Variants in KTN1 observed in about 807,000 individuals in gnomAD.
The protein encoded by KTN1 is kinectin.
In KTN1, 130 loss-of-function variants were observed where a neutral mutation model predicts 222.5. The ratio of observed to expected loss-of-function variants is 0.58; its 90% CI spans 0.51 to 0.68. The LOEUF (loss-of-function observed/expected upper bound fraction) is 0.68, where lower values mean the gene tolerates loss of function less well. Among genes scored for constraint, KTN1 ranks in the 30% least tolerant of loss-of-function variants. The probability of loss-of-function intolerance (pLI) is 0.00; values close to 1 mark genes in which losing one functional copy is unlikely to be tolerated. For missense variants in KTN1, 1,508 were observed against 1,500.4 expected (o/e 1.01, Z -0.08); for synonymous variants, 512 against 496.3 (o/e 1.03, Z -0.42).
chr14:55,606,570 G>C (rs2036755197), intron 1 of KTN1, among the ~76,000 whole-genome samples: 1 of 152,010 alleles, frequency 6.6e-6, no homozygotes, highest in South Asian at 2.1e-4. Flanking sequence ...AAGGATAGCA[G>C]AAGCAAGAGC....
chr14:55,680,548 A>G (rs2046272676), intron 43 of KTN1: 2 of 520,268 alleles, frequency 3.8e-6, no homozygotes, highest in African/African-American at 3.9e-5. Flanking sequence ...GGGGCAACTC[A>G]TCACTGAATT....
Position 55,634,655 on chromosome 14 carries a change from GA to G in KTN1, c.1460del (p.Lys487ArgfsTer64). 1 of 1,610,334 alleles carries G rather than the reference GA, an allele frequency of 6.2e-7. No homozygotes were observed. Among genetic ancestry groups the G allele is most frequent in the Non-Finnish European group, 8.5e-7 (1 of 1,178,466 alleles). On this transcript the variant is annotated frameshift_variant and splice_region_variant, in exon 9 of 44. Coordinates refer to ENST00000395314, the MANE Select transcript of KTN1 (RefSeq NM_001079521.2). LOFTEE classifies it high-confidence loss of function. ...KNAEQAATQLKVQLQEAERRW... is the reference protein window; with the variant it reads ...KNAEQAATQLXVQLQEAERRW... ...ATGCTGAGCAAGCAGCTACTCAGTT[GA>G]AGGTGATATATTCTCACCTTTATTT... is the stretch of plus-strand genomic sequence containing the variant.
At chr14:55,606,340 T>C (rs1265154313) in intron 1 of KTN1, among the ~76,000 whole-genome samples, 1 of 152,150 alleles carries the variant, frequency 6.6e-6, no homozygotes, top group Non-Finnish European at 1.5e-5. Flanking sequence ...ACTTACTGTT[T>C]TTGTTTTTTT....
chr14:55,675,689 T>G (rs2045832156), intron 40 of KTN1, 146 bp from the exon 41 acceptor site: 2 of 531,904 alleles, frequency 3.8e-6, no homozygotes, highest in Non-Finnish European at 6.7e-6. Context: ...TGCTTAGCCT[T>G]TCTATACATC....
intron 5 of KTN1, among the ~76,000 whole-genome samples, chr14:55,626,709 T>A (rs572063913): frequency 1.3e-5 from 2 of 152,306 alleles, no homozygotes; most frequent in South Asian, 4.1e-4. Flanking sequence ...GGTGTTCTCC[T>A]TGGGGACTGT....
intron 9 of KTN1, among the ~76,000 whole-genome samples, chr14:55,635,307 A>T (rs530779593): frequency 6.2e-4 from 94 of 152,180 alleles, no homozygotes; most frequent in Non-Finnish European, 1.2e-3. Context: ...TATCATATAT[A>T]TGGGGGTTAG....
Position 55,648,065 on chromosome 14 carries a change from T to A in KTN1, c.2248T>A (p.Leu750Ile), listed in dbSNP as rs1177222200. 1.3e-6 allele frequency: 2 copies of A among 1,565,406 alleles called. No homozygotes were observed. Among genetic ancestry groups the A allele is most frequent in the East Asian group, 4.7e-5 (2 of 42,556 alleles). The change falls in exon 20 of 44, where the codon TTA becomes ATA. Residue 750 changes from leucine to isoleucine, a missense_variant. Physicochemically the swap from Leu to Ile is conservative, Grantham distance 5 (BLOSUM62 2). Coordinates refer to ENST00000395314, the MANE Select transcript of KTN1 (RefSeq NM_001079521.2). ...TGAGAAGTTAAAGACTGTGGAAGAA[T>A]TACTTGAAACTGGACTTATTCAGGT... ...KDEKLKTVEE[L>I]LETGLIQVAT...
intron 2 of KTN1, among the ~76,000 whole-genome samples, chr14:55,612,802 T>G (rs1029945061): frequency 6.6e-6 from 1 of 152,028 alleles, no homozygotes; most frequent in South Asian, 2.1e-4. Flanking sequence ...CCTGTAATCC[T>G]AGCACATTGG....
intron 1 of KTN1, among the ~76,000 whole-genome samples, chr14:55,604,852 C>CA (rs2036509824): frequency 6.6e-6 from 1 of 151,906 alleles, no homozygotes; most frequent in South Asian, 2.1e-4. Flanking sequence ...GATTTGATTG[C>CA]AGGGATAAGG....
chr14:55,635,501 A>G (rs1594989893), intron 9 of KTN1, among the ~76,000 whole-genome samples: 1 of 152,190 alleles, frequency 6.6e-6, no homozygotes, highest in South Asian at 2.1e-4. Context: ...CACTCGACCC[A>G]TGATGTACAA....
chr14:55,612,019 G>A lies in KTN1; in HGVS notation c.-30G>A. 7.7e-7 allele frequency: 1 copy of A among 1,303,646 alleles called. No homozygotes were observed. The highest frequency in any genetic ancestry group is 1.0e-6 in the Non-Finnish European group (1 of 989,958). 80.8% of individuals were successfully genotyped at this position (1,303,646 alleles called of 1,614,324 possible). On this transcript the variant is annotated splice_region_variant and 5_prime_UTR_variant, in exon 2 of 44. Coordinates refer to ENST00000395314, the MANE Select transcript of KTN1 (RefSeq NM_001079521.2). ...TGTCCCCACCTTCTTCCCTATTTAG[G>A]TTTTATAGGATCACATTGACAAAAG...
Position 55,652,889 on chromosome 14 carries a change from T to G in KTN1, c.2643T>G (p.Ala881=). The part of the protein sequence containing the change: ...GKEEQMNTMK[A]VLEEKEKDLA... ...AGGAACAGATGAATACCATGAAGGC[T>G]GTTTTGGAAGAGAAAGAGAAAGACC... is the stretch of plus-strand genomic sequence containing the variant. The change falls in exon 26 of 44, where the codon GCT becomes GCG. Residue 881 remains alanine (A), a synonymous_variant. Coordinates refer to ENST00000395314, the MANE Select transcript of KTN1 (RefSeq NM_001079521.2). 1 of 1,610,916 alleles carries G rather than the reference T, an allele frequency of 6.2e-7. No homozygotes were observed. The highest frequency in any genetic ancestry group is 1.7e-4 in the Middle Eastern group (1 of 6,040).
chr14:55,608,257 G>C (rs554432433), intron 1 of KTN1, among the ~76,000 whole-genome samples: 7 of 151,924 alleles, frequency 4.6e-5, no homozygotes, highest in African/African-American at 1.7e-4. Flanking sequence ...GATGCTCATG[G>C]GTAAAATGTG....
intron 41 of KTN1, among the ~76,000 whole-genome samples, chr14:55,676,434 A>G (rs1237312004): frequency 6.6e-6 from 1 of 152,060 alleles, no homozygotes; most frequent in Non-Finnish European, 1.5e-5. Context: ...TTTGAGATCT[A>G]TTTTTAATAG....
At chr14:55,636,374 T>C (rs1341989139) in intron 9 of KTN1, 75 bp from the exon 10 acceptor site, 1 of 1,129,232 alleles carries the variant, frequency 8.9e-7, no homozygotes, top group Non-Finnish European at 1.3e-6. Context: ...TAGAGGATGC[T>C]TTTTTTCCCT....
chr14:55,655,287 CCTT>C (rs1330481448), intron 28 of KTN1, among the ~76,000 whole-genome samples: 1 of 152,100 alleles, frequency 6.6e-6, no homozygotes, highest in Non-Finnish European at 1.5e-5. Context: ...CCTTGGATTG[CCTT>C]CTTTTACTTA....
chr14:55,680,534 C>T (rs1251400227), intron 43 of KTN1: 3 of 500,244 alleles, frequency 6.0e-6, no homozygotes, highest in Non-Finnish European at 1.2e-5. Context: ...CCTGGAGACC[C>T]TGAGGGGCAA....
intron 28 of KTN1, 76 bp downstream of exon 28, chr14:55,653,672 G>A: frequency 1.8e-6 from 2 of 1,091,692 alleles, no homozygotes; most frequent in Non-Finnish European, 2.8e-6. Context: ...TGAATATAAT[G>A]ATGAGTTTCC....
At chr14:55,584,230 C>A (rs1218193136) in intron 1 of KTN1, among the ~76,000 whole-genome samples, 1 of 150,808 alleles carries the variant, frequency 6.6e-6, no homozygotes, top group Non-Finnish European at 1.5e-5. Flanking sequence ...CTAAGGTTAG[C>A]TACTATCATC....
Sources: gnomAD v4.1 joint callset for allele counts (sites outside exome capture counted in the v4.1 genomes callset) on GRCh38, gnomAD v4.1.1 for gene constraint, MANE v1.5 for transcripts, NCBI Gene and HGNC (gene_info 2026-07-23, HGNC 2026-07-21) for gene names.